NTNG1: variants seen among roughly 807,000 people sequenced by gnomAD.
NTNG1 encodes netrin G1, also known as netrin-G1.
NTNG1 carries 16 observed loss-of-function variants against 54.0 expected under a neutral mutation model. The observed-to-expected ratio is 0.30, with a 90% CI of 0.20 to 0.45. NTNG1 has a LOEUF of 0.45. NTNG1 is among the 20% of genes least tolerant of loss of function. The pLI, the probability that NTNG1 is intolerant of heterozygous loss-of-function variation, is 1.00. For synonymous variants in NTNG1, 255 were observed against 263.1 expected (o/e 0.97, Z 0.30); for missense variants, 530 against 678.7 (o/e 0.78, Z 2.43).
intron 2 of NTNG1, chr1:107,260,725 AC>A (rs1663258454): frequency 6.6e-6 from 1 of 152,184 alleles, no homozygotes; most frequent in South Asian, 2.1e-4. Flanking sequence ...CACCATTATT[AC>A]CAAATAATAC....
At chr1:107,442,504 T>C (rs1676029377) in intron 7 of NTNG1, among the ~76,000 whole-genome samples, 1 of 152,176 alleles carries the variant, frequency 6.6e-6, no homozygotes, top group Non-Finnish European at 1.5e-5. Context: ...GTCCCTACAC[T>C]GTGTTGCAAA....
intron 2 of NTNG1, among the ~76,000 whole-genome samples, chr1:107,207,819 G>A (rs1328092612): frequency 6.6e-6 from 1 of 152,070 alleles, no homozygotes; most frequent in Non-Finnish European, 1.5e-5. Flanking sequence ...TAGGATTTCT[G>A]GCCTAATGCA....
At chr1:107,416,454 C>T (rs192431030) in intron 5 of NTNG1, among the ~76,000 whole-genome samples, 233 of 152,028 alleles carry the variant, frequency 1.5e-3, no homozygotes, top group African/African-American at 5.2e-3. Context: ...TTGATAAGTC[C>T]ATACAGTTCA....
intron 4 of NTNG1, among the ~76,000 whole-genome samples, chr1:107,403,163 T>C (rs2101123431): frequency 6.6e-6 from 1 of 152,274 alleles, no homozygotes; most frequent in African/African-American, 2.4e-5. Context: ...GTAATTCTAC[T>C]AGGTTCTCAC....
At chr1:107,243,637 A>G (rs1458544335) in intron 2 of NTNG1, among the ~76,000 whole-genome samples, 6 of 152,200 alleles carry the variant, frequency 3.9e-5, no homozygotes, top group Middle Eastern at 3.4e-3. Flanking sequence ...GCACGGTCGT[A>G]GTGTGCACTG....
chr1:107,190,615 C>A (rs1298533809), intron 2 of NTNG1, among the ~76,000 whole-genome samples: 1 of 152,016 alleles, frequency 6.6e-6, no homozygotes, highest in East Asian at 1.9e-4. Flanking sequence ...TGTGATGTTC[C>A]CCTTCCTGTG....
Position 107,436,685 on chromosome 1 carries a change from G to C in NTNG1, c.1276G>C (p.Gly426Arg). 1 of 1,613,440 alleles carries C rather than the reference G, an allele frequency of 6.2e-7. No homozygotes were observed. Among genetic ancestry groups the C allele is most frequent in the Non-Finnish European group, 8.5e-7 (1 of 1,179,640 alleles). The change falls in exon 7 of 8, where the codon GGC (glycine) becomes CGC (arginine). Residue 426 changes from glycine to arginine, a missense_variant. Transcript: ENST00000370068. ...TACAGAGTGTTATTGTAACCCTTTG[G>C]GCTCAATCCATGATCGTTGTAATGG... ...VCIECYCNPLGSIHDRCNGSG... is the reference protein window; with the variant it reads ...VCIECYCNPLRSIHDRCNGSG...
At chr1:107,261,393 G>GAACAA (rs1381965912) in intron 2 of NTNG1, among the ~76,000 whole-genome samples, 2 of 151,942 alleles carry the variant, frequency 1.3e-5, no homozygotes, top group African/African-American at 4.8e-5. Flanking sequence ...AAGGGAATTT[G>GAACAA]TTAACATCAG....
intron 7 of NTNG1, among the ~76,000 whole-genome samples, chr1:107,466,207 A>T (rs1186707657): frequency 1.3e-5 from 2 of 152,202 alleles, no homozygotes; most frequent in Non-Finnish European, 2.9e-5. Context: ...AGTATTGTGT[A>T]AACTCTTTGT....
intron 5 of NTNG1, among the ~76,000 whole-genome samples, chr1:107,420,193 G>A (rs1272989085): frequency 6.6e-6 from 1 of 152,040 alleles, no homozygotes; most frequent in Non-Finnish European, 1.5e-5. Context: ...TTGCTGTGCT[G>A]TCTGTGAGAG....
chr1:107,271,999 T>C (rs987221081), intron 2 of NTNG1, among the ~76,000 whole-genome samples: 1 of 152,166 alleles, frequency 6.6e-6, no homozygotes, highest in Admixed American at 6.5e-5. Flanking sequence ...TCTCTTCTAG[T>C]TAAAATACCC....
chr1:107,183,776 G>T (rs1421939620), intron 2 of NTNG1, among the ~76,000 whole-genome samples: 2 of 152,084 alleles, frequency 1.3e-5, no homozygotes, highest in Non-Finnish European at 2.9e-5. Context: ...AAAATAACCT[G>T]GACAAAAGAC....
At chr1:107,354,990 A>G (rs1669851291) in intron 3 of NTNG1, among the ~76,000 whole-genome samples, 1 of 152,180 alleles carries the variant, frequency 6.6e-6, no homozygotes. Flanking sequence ...TTTCCTGTTG[A>G]TAAGCAATGC....
Position 107,406,442 on chromosome 1 carries a change from C to T in NTNG1, c.1061-1240C>T, listed in dbSNP as rs116890450. Among the ~76,000 whole-genome samples, 61 of 152,222 alleles carry T rather than the reference C, an allele frequency of 4.0e-4. 1 individual carries two copies. In the East Asian group the frequency reaches 8.3e-3, roughly 21 times the overall value. ...AGACATTTTTATGGATTATCTCATT[C>T]GATCCTCACGGCAGCCCTATGCAGT... On this transcript the variant is annotated intron_variant, in intron 4 of 7. Coordinates refer to ENST00000370068, the MANE Select transcript of NTNG1 (RefSeq NM_001113226.3).
intron 2 of NTNG1, among the ~76,000 whole-genome samples, chr1:107,223,611 T>A (rs1203841701): frequency 6.6e-6 from 1 of 152,206 alleles, no homozygotes; most frequent in African/African-American, 2.4e-5. Flanking sequence ...GGGCAGTTTT[T>A]ATTTTCTCCT....
intron 2 of NTNG1, among the ~76,000 whole-genome samples, chr1:107,278,596 T>G (rs1279717311): frequency 6.6e-6 from 1 of 152,182 alleles, no homozygotes; most frequent in Non-Finnish European, 1.5e-5. Context: ...GGCTTTTCTG[T>G]TTTTGTTCTT....
At chr1:107,160,198 T>A (rs1407863442) in intron 2 of NTNG1, among the ~76,000 whole-genome samples, 1 of 152,190 alleles carries the variant, frequency 6.6e-6, no homozygotes, top group Admixed American at 6.6e-5. Context: ...AACTCTTGAT[T>A]TCTTCTTCCT....
intron 1 of NTNG1, among the ~76,000 whole-genome samples, chr1:107,145,011 C>G (rs532164923): frequency 1.3e-5 from 2 of 152,078 alleles, no homozygotes; most frequent in South Asian, 4.2e-4. Context: ...TTAAAGGCCA[C>G]GTCACTTCAC....
At chr1:107,224,311 G>A (rs868631954) in intron 2 of NTNG1, among the ~76,000 whole-genome samples, 5 of 152,130 alleles carry the variant, frequency 3.3e-5, no homozygotes, top group African/African-American at 1.2e-4. Context: ...CAAAGCTCAC[G>A]TTGTAAAGTT....
Sources: gnomAD v4.1 joint callset for allele counts (sites outside exome capture counted in the v4.1 genomes callset) on GRCh38, gnomAD v4.1.1 for gene constraint, MANE v1.5 for transcripts, NCBI Gene and HGNC (gene_info 2026-07-23, HGNC 2026-07-21) for gene names.